Variants in ATP2B3 observed in about 807,000 individuals in gnomAD.
ATP2B3 encodes ATPase plasma membrane Ca2+ transporting 3, also known as plasma membrane calcium-transporting ATPase 3.
A neutral mutation model predicts 70.8 loss-of-function variants in ATP2B3; 12 were observed. The ratio of observed to expected loss-of-function variants is 0.17; its 90% CI spans 0.11 to 0.27. ATP2B3 has a LOEUF of 0.27. Ranked by LOEUF, ATP2B3 falls within the 10% of genes least tolerant of loss-of-function variation. The probability of loss-of-function intolerance (pLI) is 1.00; values close to 1 mark genes in which losing one functional copy is unlikely to be tolerated. For synonymous variants in ATP2B3, 460 were observed against 497.8 expected (o/e 0.92, Z 1.01); for missense variants, 858 against 1,118.5 (o/e 0.77, Z 3.32).
At chrX:153,569,072 C>T (rs1557019049) in intron 21 of ATP2B3, among the ~76,000 whole-genome samples, 1 of 112,500 alleles carries the variant, frequency 8.9e-6, no homozygotes, top group East Asian at 2.8e-4. Context: ...AAAACCCCCT[C>T]CTCCGCTAGG....
At chrX:153,555,121 G>A (rs1557013015) in intron 13 of ATP2B3, among the ~76,000 whole-genome samples, 1 of 111,345 alleles carries the variant, frequency 9.0e-6, no homozygotes, top group Non-Finnish European at 1.9e-5. Context: ...CTGGCAGTGA[G>A]GCCACTTAGT....
Position 153,548,562 on chromosome X carries a change from C to T in ATP2B3, c.1124-78C>T, listed in dbSNP as rs1004623793. ...AAATGCCTCCGAGACCGTGTCCATA[C>T]CTCTTCTTCCCTCTTCCTGTCCCCC... is the stretch of plus-strand genomic sequence containing the variant. On this transcript the variant is annotated intron_variant, in intron 9 of 21. Transcript: ENST00000263519. The T allele has an allele frequency of 5.5e-6, 5 of 906,321 alleles. No homozygotes were observed. The African/African-American group carries it at 7.9e-5, about 14-fold the overall frequency. 74.7% of individuals were successfully genotyped at this position (906,321 alleles called of 1,213,427 possible). A position where few individuals can be genotyped will look rare whatever the true frequency, so the allele number is the denominator to read the frequency against.
intron 2 of ATP2B3, among the ~76,000 whole-genome samples, chrX:153,525,133 G>A (rs1473958164): frequency 1.8e-5 from 2 of 112,336 alleles, no homozygotes; most frequent in Non-Finnish European, 3.8e-5. Context: ...GTACAAGAGA[G>A]CGCGGGAGAT....
intron 21 of ATP2B3, among the ~76,000 whole-genome samples, chrX:153,571,345 C>T (rs1204347695): frequency 1.8e-5 from 2 of 112,546 alleles, no homozygotes; most frequent in Non-Finnish European, 3.8e-5. Flanking sequence ...CCCTTGACTT[C>T]CTCCGTATGT....
chrX:153,556,895 C>A (rs1425356703), intron 15 of ATP2B3, 22 bp from the exon 16 acceptor site: 19 of 1,168,072 alleles, frequency 1.6e-5, no homozygotes, highest in Middle Eastern at 4.6e-4. Flanking sequence ...CCAGCCCTGC[C>A]CTGCCCTGAT....
chrX:153,556,471 C>T (rs1447516950), intron 15 of ATP2B3, 53 bp downstream of exon 15: 226 of 1,115,850 alleles, frequency 2.0e-4, no homozygotes, highest in Non-Finnish European at 5.1e-5. Flanking sequence ...AGGTTGTCTG[C>T]TTCCTGACAC....
At chrX:153,526,126 G>T (rs782001321) in intron 2 of ATP2B3, among the ~76,000 whole-genome samples, 2 of 112,532 alleles carry the variant, frequency 1.8e-5, no homozygotes, top group African/African-American at 6.4e-5. Flanking sequence ...TAAGGGAGGA[G>T]GGGAGGGGGT....
intron 9 of ATP2B3, 23 bp from the exon 10 acceptor site, chrX:153,548,617 G>A (rs781892596): frequency 1.2e-5 from 14 of 1,190,772 alleles, no homozygotes; most frequent in African/African-American, 1.8e-5. Flanking sequence ...AACCCCTTTC[G>A]TCTCCTCCCC....
intron 7 of ATP2B3, 78 bp downstream of exon 7, chrX:153,543,246 T>G (rs1231666732): frequency 5.3e-6 from 6 of 1,122,988 alleles, no homozygotes; most frequent in Non-Finnish European, 7.1e-6. Context: ...TGCGGGCCGG[T>G]GCCACTGGGG....
intron 7 of ATP2B3, among the ~76,000 whole-genome samples, chrX:153,544,930 G>A (rs1226885533): frequency 1.8e-5 from 2 of 112,756 alleles, no homozygotes; most frequent in Non-Finnish European, 3.8e-5. Flanking sequence ...GGGCCCCCAC[G>A]GCCCCAAGGC....
chrX:153,525,634 C>T (rs1414014098), intron 2 of ATP2B3, among the ~76,000 whole-genome samples: 1 of 112,489 alleles, frequency 8.9e-6, no homozygotes, highest in Non-Finnish European at 1.9e-5. Flanking sequence ...GGTCCTGGCT[C>T]CTCTGGCTCC....
chrX:153,531,364 G>C, intron 2 of ATP2B3, among the ~76,000 whole-genome samples: 1 of 113,417 alleles, frequency 8.8e-6, no homozygotes, highest in Non-Finnish European at 1.9e-5. Flanking sequence ...TTCCTCTCTG[G>C]GTTCTGCCGG....
At chrX:153,568,007 C>T (rs1557018784) in intron 21 of ATP2B3, among the ~76,000 whole-genome samples, 1 of 112,054 alleles carries the variant, frequency 8.9e-6, no homozygotes, top group Non-Finnish European at 1.9e-5. Flanking sequence ...AAAAACATTT[C>T]CTAGGCAGCT....
intron 8 of ATP2B3, 99 bp from the exon 9 acceptor site, chrX:153,547,736 T>C (rs1166687470): frequency 9.9e-7 from 1 of 1,006,480 alleles, no homozygotes; most frequent in African/African-American, 1.9e-5. Flanking sequence ...TCCCGTCTCC[T>C]CTCTATGGTG....
chrX:153,557,557 C>T (rs1485183327), intron 16 of ATP2B3, among the ~76,000 whole-genome samples: 2 of 112,282 alleles, frequency 1.8e-5, no homozygotes, highest in Non-Finnish European at 3.8e-5. Flanking sequence ...CCCAGTCCTT[C>T]CCAGCACCCG....
rs2269409 is a variant in ATP2B3 at position 153,541,856 on chromosome X, C to T, written c.594C>T (p.Ile198=). Residue 198 remains isoleucine, a synonymous_variant, in exon 5 of 22, where the codon ATC becomes ATT. Coordinates refer to ENST00000263519, the MANE Select transcript of ATP2B3 (RefSeq NM_001001344.3). ...RIEQEQKFTV[I]RNGQLLQVPV... ...AGCAGGAGCAGAAGTTCACGGTCAT[C>T]CGGAACGGGCAGCTCCTCCAGGTCC... The T allele has an allele frequency of 2.5e-6, 3 of 1,211,475 alleles. No homozygotes were observed. The highest frequency in any genetic ancestry group is 3.4e-6 in the Non-Finnish European group (3 of 895,501).
In ATP2B3 at chrX:153,543,715, G is replaced by A. The variant is rs1289350520; in HGVS notation, c.916+547G>A. Among the ~76,000 whole-genome samples the A allele has an allele frequency of 7.1e-5, 8 of 113,159 alleles. No individual in the cohort carries two copies. The East Asian group carries it at 8.4e-4, about 12-fold the overall frequency. On this transcript the variant is annotated intron_variant, in intron 7 of 21. Coordinates refer to ENST00000263519, the MANE Select transcript of ATP2B3 (RefSeq NM_001001344.3). ...AGCTGCCACCATCAGGCCCTGCAGC[G>A]GGCGGAGTCCTCAGACCTTCTAACC... is the stretch of plus-strand genomic sequence containing the variant.
intron 15 of ATP2B3, 70 bp downstream of exon 15, chrX:153,556,488 C>A: frequency 9.3e-7 from 1 of 1,073,050 alleles, no homozygotes; most frequent in Non-Finnish European, 1.3e-6. Flanking sequence ...ACACCAAAAG[C>A]CAGGTTCCCA....
intron 2 of ATP2B3, among the ~76,000 whole-genome samples, chrX:153,535,524 CCT>C (rs1356535512): frequency 5.4e-5 from 6 of 110,166 alleles, no homozygotes; most frequent in African/African-American, 1.7e-4. Flanking sequence ...TCTCCCCTCC[CCT>C]GTTTCCCACC....
Sources: allele counts gnomAD v4.1 joint callset (sites outside exome capture counted in the v4.1 genomes callset), GRCh38; gene constraint gnomAD v4.1.1; transcripts MANE v1.5; gene names NCBI Gene and HGNC (gene_info 2026-07-23, HGNC 2026-07-21).